KDM4B: variants seen among roughly 807,000 people sequenced by gnomAD.
The protein encoded by KDM4B is lysine-specific demethylase 4B.
Under a neutral mutation model 125.2 loss-of-function variants are expected in KDM4B, and 32 were observed. That is an observed-to-expected ratio of 0.26 (90% confidence interval 0.19 to 0.34). KDM4B has a LOEUF of 0.34. Among genes scored for constraint, KDM4B ranks in the 10% least tolerant of loss-of-function variants. The probability of loss-of-function intolerance (pLI) is 1.00; values close to 1 mark genes in which losing one functional copy is unlikely to be tolerated. For synonymous variants in KDM4B, 721 were observed against 677.9 expected (o/e 1.06, Z -0.99); for missense variants, 1,190 against 1,577.7 (o/e 0.75, Z 4.16).
At chr19:5,055,954 T>C (rs2037381915) in intron 6 of KDM4B, among the ~76,000 whole-genome samples, 1 of 152,142 alleles carries the variant, frequency 6.6e-6, no homozygotes, top group African/African-American at 2.4e-5. Context: ...TGAACTAAGA[T>C]CCATTCTCCA....
intron 6 of KDM4B, among the ~76,000 whole-genome samples, chr19:5,051,705 G>A (rs1306473896): frequency 6.6e-6 from 1 of 152,230 alleles, no homozygotes; most frequent in Admixed American, 6.5e-5. Flanking sequence ...AGCTCCGCTT[G>A]TCAGAAGGGG....
chr19:5,025,187 G>GA (rs1348865798), intron 2 of KDM4B, among the ~76,000 whole-genome samples: 1 of 151,908 alleles, frequency 6.6e-6, no homozygotes, highest in Non-Finnish European at 1.5e-5. Context: ...CCCGAATAAA[G>GA]AAGAAACCTA....
In KDM4B at chr19:5,091,149, C is replaced by T. The variant is rs570542047; in HGVS notation, c.918+8645C>T. On this transcript the variant is annotated intron_variant, in intron 9 of 22. Transcript: ENST00000159111. ...CACGCCATGTTAGATTAGCTCAGCA[C>T]GCGGCCGGGCTGGCCCCGAGGTGGG... Among the ~76,000 whole-genome samples, 6 of 152,254 alleles carry T rather than the reference C, an allele frequency of 3.9e-5. No individual in the cohort carries two copies. In the East Asian group the frequency reaches 5.8e-4, roughly 15 times the overall value.
chr19:5,028,548 C>T (rs900197967), intron 2 of KDM4B, among the ~76,000 whole-genome samples: 5 of 152,144 alleles, frequency 3.3e-5, no homozygotes, highest in African/African-American at 7.2e-5. Flanking sequence ...GTGGTGTACA[C>T]GTTTCTGTGT....
intron 5 of KDM4B, among the ~76,000 whole-genome samples, chr19:5,041,880 C>T (rs1467708521): frequency 6.6e-6 from 1 of 152,244 alleles, no homozygotes; most frequent in Non-Finnish European, 1.5e-5. Flanking sequence ...AGGCCACGGC[C>T]AGCCTTGGCT....
chr19:5,087,738 G>A (rs749038575), intron 9 of KDM4B, among the ~76,000 whole-genome samples: 4 of 152,316 alleles, frequency 2.6e-5, no homozygotes, highest in South Asian at 4.1e-4. Context: ...GCTGAGCTCT[G>A]CAGCGGTCTG....
At chr19:5,102,865 G>A (rs751526373) in intron 9 of KDM4B, among the ~76,000 whole-genome samples, 5 of 152,238 alleles carry the variant, frequency 3.3e-5, no homozygotes, top group Non-Finnish European at 5.9e-5. Flanking sequence ...GTCCGGTGCT[G>A]TGGCGATACT....
chr19:5,116,474 C>T (rs1401492432), intron 10 of KDM4B, among the ~76,000 whole-genome samples: 1 of 152,160 alleles, frequency 6.6e-6, no homozygotes, highest in African/African-American at 2.4e-5. Context: ...CAGGAAGCTG[C>T]TGCAGGATGT....
At chr19:5,096,022 T>C (rs138521027) in intron 9 of KDM4B, among the ~76,000 whole-genome samples, 42 of 151,830 alleles carry the variant, frequency 2.8e-4, no homozygotes, top group African/African-American at 9.9e-4. Context: ...AGGAGGTCCT[T>C]GTGTTATGGA....
intron 11 of KDM4B, among the ~76,000 whole-genome samples, chr19:5,121,555 C>T (rs943409248): frequency 3.3e-5 from 5 of 152,142 alleles, no homozygotes; most frequent in South Asian, 4.1e-4. Context: ...GCGAGCCGCT[C>T]GCAGCAAACA....
intron 6 of KDM4B, among the ~76,000 whole-genome samples, chr19:5,056,028 G>A (rs1314549528): frequency 6.6e-6 from 1 of 152,168 alleles, no homozygotes; most frequent in Non-Finnish European, 1.5e-5. Flanking sequence ...CCCACGTGAT[G>A]TTGTCCCGTC....
chr19:5,011,294 C>T (rs2035719483), intron 1 of KDM4B, among the ~76,000 whole-genome samples: 1 of 152,198 alleles, frequency 6.6e-6, no homozygotes, highest in African/African-American at 2.4e-5. Flanking sequence ...ATCATTGCTT[C>T]TAGGTTTTCT....
intron 9 of KDM4B, among the ~76,000 whole-genome samples, chr19:5,109,250 G>A (rs550800398): frequency 6.6e-6 from 1 of 152,280 alleles, no homozygotes; most frequent in East Asian, 1.9e-4. Flanking sequence ...CATCCCAGTA[G>A]GTACGTGACA....
At position 5,133,750 on chromosome 19, in the gene KDM4B, G is replaced by T; in HGVS notation, c.1907-133G>T. On this transcript the variant is annotated intron_variant, in intron 13 of 22. Transcript: ENST00000159111. ...CAGCCAGGAGGCAGGTGGAGGGGGA[G>T]CTATGGGCCAGGGACCCTGTGGGCA... 4 of 805,502 alleles carry T rather than the reference G, an allele frequency of 5.0e-6. No individual in the cohort carries two copies. The South Asian group carries it at 7.0e-5, about 14-fold the overall frequency. 49.9% of individuals were successfully genotyped at this position (805,502 alleles called of 1,614,324 possible).
At chr19:4,969,714 CA>C (rs1422158182) in intron 1 of KDM4B, among the ~76,000 whole-genome samples, 1 of 152,012 alleles carries the variant, frequency 6.6e-6, no homozygotes, top group Non-Finnish European at 1.5e-5. Context: ...CTTTGGGCGC[CA>C]GGGGGGCTAA....
intron 6 of KDM4B, among the ~76,000 whole-genome samples, chr19:5,052,884 GGGGGTCCCACCAGCA>G (rs970116955): frequency 1.8e-4 from 28 of 152,252 alleles, no homozygotes; most frequent in African/African-American, 6.8e-4. Flanking sequence ...CCGGGACCCG[GGGGGTCCCACCAGCA>G]GTGGGGACCT....
Position 5,131,382 on chromosome 19 carries a change from A to G in KDM4B, c.1622A>G (p.Asn541Ser). Reference sequence around the variant, plus strand: ...CCGCGGCCGGGCAAGGCAGCCTTCAACCAGGAGCACGTGTCCTGCCAGCAG... The same window carrying G: ...CCGCGGCCGGGCAAGGCAGCCTTCAGCCAGGAGCACGTGTCCTGCCAGCAG... ...VVPRPGKAAF[N>S]QEHVSCQQAF... Residue 541 changes from asparagine to serine, a missense_variant, in exon 12 of 23, where the codon AAC (asparagine) becomes AGC (serine). Physicochemically the swap from Asn to Ser is conservative, Grantham distance 46 (BLOSUM62 1). This residue lies in a region of KDM4B where 428 missense variants were observed against 405.1 expected (regional missense o/e 1.06). Coordinates refer to ENST00000159111, the MANE Select transcript of KDM4B (RefSeq NM_015015.3). 1.2e-6 allele frequency: 2 copies of G among 1,611,652 alleles called. No individual in the cohort carries two copies. Among genetic ancestry groups the G allele is most frequent in the East Asian group, 4.5e-5 (2 of 44,740 alleles).
At chr19:5,133,056 C>T (rs1325940105) in intron 13 of KDM4B, among the ~76,000 whole-genome samples, 1 of 152,164 alleles carries the variant, frequency 6.6e-6, no homozygotes, top group Non-Finnish European at 1.5e-5. Flanking sequence ...GATCCCAGGA[C>T]CCCAGGCTCC....
intron 8 of KDM4B, chr19:5,080,928 G>T (rs750272515): frequency 6.6e-6 from 1 of 152,238 alleles, no homozygotes; most frequent in African/African-American, 2.4e-5. Context: ...ACGCACGCCA[G>T]GTGGAAGACA....
Sources: gnomAD v4.1 joint callset for allele counts (sites outside exome capture counted in the v4.1 genomes callset) on GRCh38, gnomAD v4.1.1 for gene constraint, gnomAD v4.1.1 regional missense constraint, MANE v1.5 for transcripts, NCBI Gene and HGNC (gene_info 2026-07-23, HGNC 2026-07-21) for gene names.